STK3: variants seen among roughly 807,000 people sequenced by gnomAD.
The protein encoded by STK3 is serine/threonine-protein kinase 3.
Under a neutral mutation model 58.0 loss-of-function variants are expected in STK3, and 41 were observed. The observed-to-expected ratio is 0.71, with a 90% CI of 0.55 to 0.92. STK3 has a LOEUF of 0.92. STK3 is among the 40% of genes least tolerant of loss of function. The probability of loss-of-function intolerance (pLI) is 0.00; values close to 1 mark genes in which losing one functional copy is unlikely to be tolerated. For synonymous variants in STK3, 170 were observed against 191.0 expected, an observed-to-expected ratio of 0.89 and a Z score of 0.91; for missense variants, 479 against 602.7, an observed-to-expected ratio of 0.79 and a Z score of 2.15.
chr8:98,495,602 A>G (rs1823069986), intron 10 of STK3, among the ~76,000 whole-genome samples: 3 of 152,222 alleles, frequency 2.0e-5, no homozygotes, highest in Non-Finnish European at 2.9e-5. Context: ...ACATAAAACA[A>G]AACATCATTT....
At chr8:98,539,357 A>G (rs1810038221) in intron 9 of STK3, among the ~76,000 whole-genome samples, 1 of 152,196 alleles carries the variant, frequency 6.6e-6, no homozygotes, top group Admixed American at 6.5e-5. Flanking sequence ...GCATGGAAGT[A>G]GATGCTCAGA....
chr8:98,398,741 C>A (rs191073192), downstream of STK3, among the ~76,000 whole-genome samples: 67 of 152,202 alleles, frequency 4.4e-4, no homozygotes, highest in Non-Finnish European at 2.9e-5. Context: ...CTCCCAGCCT[C>A]GGGCAAATTT....
chr8:98,797,536 A>T (rs952825524), intron 1 of STK3, among the ~76,000 whole-genome samples: 1 of 152,224 alleles, frequency 6.6e-6, no homozygotes, highest in South Asian at 2.1e-4. Context: ...GAGAGAAAGT[A>T]AGATAACTGA....
At chr8:98,733,987 G>T (rs1445787677) in intron 4 of STK3, among the ~76,000 whole-genome samples, 1 of 152,164 alleles carries the variant, frequency 6.6e-6, no homozygotes, top group South Asian at 2.1e-4. Flanking sequence ...AGGCCATGGA[G>T]ACTCACAATC....
chr8:98,406,540 C>T (rs1817994561), intron 3 of STK3, among the ~76,000 whole-genome samples: 1 of 152,100 alleles, frequency 6.6e-6, no homozygotes, highest in African/African-American at 2.4e-5. Context: ...ACAGTACCTG[C>T]CCATAGTAGA....
At chr8:98,801,244 C>T (rs1445442463) in intron 1 of STK3, among the ~76,000 whole-genome samples, 1 of 151,652 alleles carries the variant, frequency 6.6e-6, no homozygotes, top group African/African-American at 2.4e-5. Context: ...AGCACCCTAT[C>T]AAAACAGACC....
chr8:98,411,112 A>G (rs1563595318), intron 3 of STK3, among the ~76,000 whole-genome samples: 1 of 152,218 alleles, frequency 6.6e-6, no homozygotes, highest in Non-Finnish European at 1.5e-5. Flanking sequence ...CATAAATTTG[A>G]GTGTCCTCAT....
Position 98,641,495 on chromosome 8 carries a change from AACT to A in STK3, c.685-45329_685-45327del, listed in dbSNP as rs559513502. Among the ~76,000 whole-genome samples, 921 of 152,322 alleles carry A rather than the reference AACT, an allele frequency of 6.0e-3. 5 individuals are homozygous for A. The highest frequency in any genetic ancestry group is 0.014 in the Middle Eastern group (4 of 294). On this transcript the variant is annotated intron_variant, in intron 6 of 10. Transcript: ENST00000419617. The stretch of plus-strand genomic sequence containing the variant: ...TTCATCCAACAAATACATACTGAGT[AACT>A]ACTATGGGCCAAGCACTGTTCTAGT...
At chr8:98,894,632 T>C (rs184362911) in intron 1 of STK3, among the ~76,000 whole-genome samples, 19 of 152,390 alleles carry the variant, frequency 1.2e-4, no homozygotes, top group Non-Finnish European at 2.5e-4. Context: ...CTTACTAGAA[T>C]GTAAGCACCA....
intron 6 of STK3, among the ~76,000 whole-genome samples, chr8:98,649,179 CT>C (rs2130679823): frequency 6.6e-6 from 1 of 151,984 alleles, no homozygotes; most frequent in South Asian, 2.1e-4. Context: ...ATCTCTCTCC[CT>C]GTTTTTTATA....
intron 10 of STK3, among the ~76,000 whole-genome samples, chr8:98,508,902 A>G (rs1372204052): frequency 6.6e-6 from 1 of 152,182 alleles, no homozygotes; most frequent in Non-Finnish European, 1.5e-5. Context: ...CAAAAGATTT[A>G]GGAAAGGTCA....
At chr8:98,763,500 T>G (rs1830759010) in intron 3 of STK3, among the ~76,000 whole-genome samples, 1 of 152,160 alleles carries the variant, frequency 6.6e-6, no homozygotes, top group African/African-American at 2.4e-5. Context: ...CAGAAATGCA[T>G]ATCTCATTTT....
At chr8:98,421,699 C>G (rs1343890835) in intron 3 of STK3, among the ~76,000 whole-genome samples, 1 of 152,044 alleles carries the variant, frequency 6.6e-6, no homozygotes, top group East Asian at 1.9e-4. Context: ...TTGCTTGAAC[C>G]CGGGAGGTGG....
Position 98,662,660 on chromosome 8 carries a change from T to C in STK3, c.684+43807A>G, listed in dbSNP as rs529435788. On this transcript the variant is annotated intron_variant, in intron 6 of 10. Coordinates refer to ENST00000419617, the MANE Select transcript of STK3 (RefSeq NM_006281.4). ...AGACCTAAAAATGTATAATGTGCTATATGTCAAGCTGTATTTCTTTTTTTT... is the reference window on the plus strand; with the variant it reads ...AGACCTAAAAATGTATAATGTGCTACATGTCAAGCTGTATTTCTTTTTTTT... Among the ~76,000 whole-genome samples, 4 of 152,234 alleles carry C rather than the reference T, an allele frequency of 2.6e-5. No individual in the cohort carries two copies. In the East Asian group the frequency reaches 5.8e-4, roughly 22 times the overall value.
chr8:98,916,668 TG>T (rs954613998), intron 1 of STK3, among the ~76,000 whole-genome samples: 1 of 152,192 alleles, frequency 6.6e-6, no homozygotes, highest in African/African-American at 2.4e-5. Context: ...TTATTATTAT[TG>T]TTATTCATCA....
chr8:98,378,847 C>T (rs1817702495), intron 2 of STK3, among the ~76,000 whole-genome samples: 1 of 152,182 alleles, frequency 6.6e-6, no homozygotes. Flanking sequence ...CATCATGAAG[C>T]ATCTCTTCAC....
intron 10 of STK3, 65 bp downstream of exon 10, chr8:98,526,677 C>A: frequency 7.4e-7 from 1 of 1,353,492 alleles, no homozygotes; most frequent in Non-Finnish European, 9.8e-7. Context: ...ATGAACTATG[C>A]TTCTCAATTT....
At chr8:98,884,629 A>G (rs1837913063) in intron 1 of STK3, among the ~76,000 whole-genome samples, 1 of 152,230 alleles carries the variant, frequency 6.6e-6, no homozygotes. Context: ...CCCCAAGATG[A>G]CAGCATTAGG....
chr8:98,770,339 C>T (rs145974857), intron 2 of STK3, among the ~76,000 whole-genome samples: 2 of 152,304 alleles, frequency 1.3e-5, no homozygotes, highest in Non-Finnish European at 2.9e-5. Flanking sequence ...CTACTATTCA[C>T]ACTAAAAAAG....
Sources: allele counts gnomAD v4.1 joint callset (sites outside exome capture counted in the v4.1 genomes callset), GRCh38; gene constraint gnomAD v4.1.1; transcripts MANE v1.5; gene names NCBI Gene and HGNC (gene_info 2026-07-23, HGNC 2026-07-21).